The following DPH6 variants were observed in gnomAD, a reference collection of about 807,000 sequenced individuals.
DPH6 encodes diphthine--ammonia ligase.
A neutral mutation model predicts 38.2 loss-of-function variants in DPH6; 33 were observed. The observed-to-expected ratio is 0.86, with a 90% CI of 0.65 to 1.15. The LOEUF (loss-of-function observed/expected upper bound fraction) is 1.15, where lower values mean the gene tolerates loss of function less well. DPH6 is among the 50% of genes most tolerant of loss of function. DPH6 has a pLI of 0.00. For synonymous variants in DPH6, 108 were observed against 103.0 expected (o/e 1.05, Z -0.30); for missense variants, 325 against 320.0 (o/e 1.02, Z -0.12).
At chr15:35,432,673 T>C (rs1320260018) in intron 5 of DPH6, among the ~76,000 whole-genome samples, 1 of 152,072 alleles carries the variant, frequency 6.6e-6, no homozygotes, top group Non-Finnish European at 1.5e-5. Flanking sequence ...CTTTCTTATG[T>C]TAACACAAAA....
At chr15:35,296,712 C>G (rs1463447162) in intron 3 of DPH6, among the ~76,000 whole-genome samples, 2 of 152,118 alleles carry the variant, frequency 1.3e-5, no homozygotes, top group South Asian at 2.1e-4. Context: ...TTAATGCTGC[C>G]CAATCTTACT....
the DPH6 span, among the ~76,000 whole-genome samples, chr15:35,148,018 C>T: frequency 2.0e-5 from 3 of 152,172 alleles, no homozygotes; most frequent in Non-Finnish European, 2.9e-5. Context: ...TTTGATACTT[C>T]TTTTTGCTTA....
intron 3 of DPH6, among the ~76,000 whole-genome samples, chr15:35,499,214 C>T (rs2054594606): frequency 6.6e-6 from 1 of 152,076 alleles, no homozygotes; most frequent in South Asian, 2.1e-4. Flanking sequence ...TTTCCACTTC[C>T]CTTTGCTCTT....
chr15:35,484,301 A>G (rs1261205728), intron 3 of DPH6, among the ~76,000 whole-genome samples: 1 of 152,244 alleles, frequency 6.6e-6, no homozygotes, highest in Admixed American at 6.5e-5. Flanking sequence ...AAAATGTGTT[A>G]GCTTAAAACA....
intron 6 of DPH6, among the ~76,000 whole-genome samples, chr15:35,398,928 T>G (rs61601013): frequency 0.33 from 50,270 of 151,962 alleles, 9,295 homozygotes; most frequent in African/African-American, 0.5. Flanking sequence ...GTGTTGTGTT[T>G]AGTGGTGTGC....
At chr15:35,304,738 A>T (rs934479144) in intron 3 of DPH6, among the ~76,000 whole-genome samples, 14 of 152,046 alleles carry the variant, frequency 9.2e-5, no homozygotes, top group African/African-American at 3.4e-4. Context: ...GAAATAAAAA[A>T]ACAGTATGTT....
At chr15:35,274,227 C>T (rs1436670631) in intron 3 of DPH6, among the ~76,000 whole-genome samples, 1 of 152,178 alleles carries the variant, frequency 6.6e-6, no homozygotes, top group Non-Finnish European at 1.5e-5. Flanking sequence ...TGGACCCCTT[C>T]CTTATACCTT....
intron 3 of DPH6, among the ~76,000 whole-genome samples, chr15:35,290,464 T>C (rs2051972967): frequency 6.6e-6 from 1 of 152,198 alleles, no homozygotes; most frequent in South Asian, 2.1e-4. Context: ...AGGCCATTAA[T>C]GAAAGAACAT....
At chr15:35,283,856 T>C (rs1248049437) in intron 3 of DPH6, among the ~76,000 whole-genome samples, 1 of 151,788 alleles carries the variant, frequency 6.6e-6, no homozygotes, top group African/African-American at 2.4e-5. Context: ...ATATGTAAGA[T>C]AAAAGCCATA....
intron 3 of DPH6, among the ~76,000 whole-genome samples, chr15:35,319,315 T>C (rs1474926971): frequency 6.6e-6 from 1 of 152,120 alleles, no homozygotes; most frequent in African/African-American, 2.4e-5. Context: ...ATGTAGATGC[T>C]GAAAAAAAAG....
chr15:35,295,563 C>G lies in DPH6; in HGVS notation n.201-74981G>C, dbSNP rs1273987623. ...TCCATGCCATTACTCCTGTCATCATCCTTGATGGCTTCCACATCTAGGTAG... is the reference window on the plus strand; with the variant it reads ...TCCATGCCATTACTCCTGTCATCATGCTTGATGGCTTCCACATCTAGGTAG... On this transcript the variant is annotated intron_variant and non_coding_transcript_variant, in intron 3 of 3. Coordinates refer to the DPH6 transcript ENST00000560386. Among the ~76,000 whole-genome samples, 4 of 152,190 alleles carry G rather than the reference C, an allele frequency of 2.6e-5. No individual in the cohort carries two copies. In the East Asian group the frequency reaches 7.7e-4, roughly 29 times the overall value.
chr15:35,155,104 T>G, the DPH6 span, among the ~76,000 whole-genome samples: 25 of 152,300 alleles, frequency 1.6e-4, no homozygotes, highest in Admixed American at 5.2e-4. Context: ...TCTATGACCT[T>G]CAGCAGAGGT....
intron 6 of DPH6, among the ~76,000 whole-genome samples, 178 bp from the exon 7 acceptor site, chr15:35,382,094 T>C (rs543232128): frequency 2.0e-5 from 3 of 152,298 alleles, no homozygotes; most frequent in African/African-American, 7.2e-5. Flanking sequence ...TCAAAAATGT[T>C]ATCATAAGGC....
downstream of DPH6, among the ~76,000 whole-genome samples, chr15:35,326,326 G>A (rs543710168): frequency 6.6e-6 from 1 of 152,112 alleles, no homozygotes; most frequent in South Asian, 2.1e-4. Flanking sequence ...AAGCTCAATT[G>A]TCTTTGCAAA....
chr15:35,212,609 A>G (rs2051393885), downstream of DPH6, among the ~76,000 whole-genome samples: 1 of 152,218 alleles, frequency 6.6e-6, no homozygotes, highest in African/African-American at 2.4e-5. Flanking sequence ...TAGGAAATAT[A>G]CTTTTCATTA....
chr15:35,374,015 A>C (rs1312853135), intron 7 of DPH6, among the ~76,000 whole-genome samples: 3 of 152,024 alleles, frequency 2.0e-5, no homozygotes, highest in Non-Finnish European at 4.4e-5. Flanking sequence ...TTTCACACAA[A>C]ATCTCAATTA....
At chr15:35,222,846 AGGCCCACAAGGAATTTCCTTGT>A (rs1187071153) in intron 3 of DPH6, among the ~76,000 whole-genome samples, 1 of 152,120 alleles carries the variant, frequency 6.6e-6, no homozygotes, top group Non-Finnish European at 1.5e-5. Flanking sequence ...AAAGATCTTG[AGGCCCACAAGGAATTTCCTTGT>A]GGGCAAATTG....
At chr15:35,486,615 T>C (rs1256854332) in intron 3 of DPH6, among the ~76,000 whole-genome samples, 1 of 152,092 alleles carries the variant, frequency 6.6e-6, no homozygotes, top group Admixed American at 6.6e-5. Context: ...GTCCCTCTCC[T>C]GACACATGGG....
chr15:35,475,239 C>A (rs552842491), intron 3 of DPH6, among the ~76,000 whole-genome samples: 1 of 152,148 alleles, frequency 6.6e-6, no homozygotes, highest in East Asian at 1.9e-4. Context: ...ATGTATTAAA[C>A]TGCATGTATA....
Sources: allele counts gnomAD v4.1 joint callset (sites outside exome capture counted in the v4.1 genomes callset), GRCh38; gene constraint gnomAD v4.1.1; transcripts MANE v1.5; gene names NCBI Gene and HGNC (gene_info 2026-07-23, HGNC 2026-07-21).